The following SYNE2 variants were observed in gnomAD, a reference collection of about 807,000 sequenced individuals.
The protein encoded by SYNE2 is nesprin-2.
A neutral mutation model predicts 856.3 loss-of-function variants in SYNE2; 431 were observed. The observed-to-expected ratio is 0.50, with a 90% CI of 0.47 to 0.55. The LOEUF (loss-of-function observed/expected upper bound fraction) is 0.55. Ranked by LOEUF, SYNE2 falls within the 20% of genes least tolerant of loss-of-function variation. The pLI is 0.00. For missense variants in SYNE2, 8,129 were observed against 8,023.2 expected (o/e 1.01, Z -0.50); for synonymous variants, 2,923 against 2,872.3 (o/e 1.02, Z -0.56).
In SYNE2 at chr14:63,793,768, C is replaced by A. The variant is rs192184828; in HGVS notation, c.-305+31782C>A. 5.7e-3 allele frequency among the ~76,000 whole-genome samples: 856 copies of A among 151,364 alleles called. 9 individuals are homozygous for A. Among genetic ancestry groups the A allele is most frequent in the Non-Finnish European group, 7.6e-3 (519 of 67,852 alleles). On this transcript the variant is annotated intron_variant, in intron 1 of 23. Transcript: ENST00000674003. Reference sequence around the variant, plus strand: ...CCTGGGCAACAAAATGAGGCCCCCCCCCAACTAAAAAATTAAAAAATTAGG... The same window carrying A: ...CCTGGGCAACAAAATGAGGCCCCCCACCAACTAAAAAATTAAAAAATTAGG...
In SYNE2 at chr14:63,768,625, T is replaced by C. The variant is rs559758347; in HGVS notation, c.-305+6639T>C. Reference sequence around the variant, plus strand: ...AACATAAAATTGTTTTTCAAACTCTTAGCAGCCAGGACAAAGAAAGAAGCA... The same window carrying C: ...AACATAAAATTGTTTTTCAAACTCTCAGCAGCCAGGACAAAGAAAGAAGCA... On this transcript the variant is annotated intron_variant, in intron 1 of 23. Transcript: ENST00000674003. Among the ~76,000 whole-genome samples the C allele has an allele frequency of 1.2e-3, 179 of 152,288 alleles. 1 individual carries two copies. The highest frequency in any genetic ancestry group is 4.2e-3 in the African/African-American group (174 of 41,566).
At chr14:63,912,126 C>A (rs1197858658) in intron 2 of SYNE2, among the ~76,000 whole-genome samples, 1 of 152,142 alleles carries the variant, frequency 6.6e-6, no homozygotes, top group South Asian at 2.1e-4. Context: ...AGATACCAAC[C>A]AAGAAGTTCC....
At position 63,924,832 on chromosome 14, in the gene SYNE2, G is replaced by GTTTTTTTTTTTTTTT. The variant is rs1491139905; in HGVS notation, c.79+15606_79+15607insTTTTTTTTTTTTTTT. Among the ~76,000 whole-genome samples the GTTTTTTTTTTTTTTT allele has an allele frequency of 8.7e-3, 805 of 92,820 alleles. 267 individuals are homozygous for GTTTTTTTTTTTTTTT. Among genetic ancestry groups the GTTTTTTTTTTTTTTT allele is most frequent in the East Asian group, 0.017 (45 of 2,646 alleles). The allele number at this position is 92,820 out of a possible 152,430, so 60.9% of individuals were successfully genotyped here. ...TTTAACTTTTTTCCTTCCAGCCTTGGTGTTTTTTTTTTTTTTTTTTTTTTT... is the reference window on the plus strand; with the variant it reads ...TTTAACTTTTTTCCTTCCAGCCTTGGTTTTTTTTTTTTTTTTGTTTTTTTTTTTTTTTTTTTTTTT... On this transcript the variant is annotated intron_variant, in intron 2 of 115. Coordinates refer to ENST00000555002, the MANE Select transcript of SYNE2 (RefSeq NM_182914.3).
In SYNE2 at chr14:64,159,337, G is replaced by T; in HGVS notation, c.15989G>T (p.Ser5330Ile). 6.2e-7 allele frequency: 1 copy of T among 1,614,012 alleles called. No homozygotes were observed. The highest frequency in any genetic ancestry group is 1.1e-5 in the South Asian group (1 of 91,082). The change falls in exon 87 of 116, where the codon AGT becomes ATT. Residue 5330 changes from serine to isoleucine, a missense_variant. Transcript: ENST00000555002. The stretch of plus-strand genomic sequence containing the variant: ...TCTCTGCAAGATGAAGCTGAGAGCA[G>T]TGAAGGGAGTTGGGAGAAACTCCAG... ...LQSLQDEAES[S>I]EGSWEKLQEV...
chr14:63,901,311 G>C (rs1047916028), intron 1 of SYNE2, among the ~76,000 whole-genome samples: 1 of 152,120 alleles, frequency 6.6e-6, no homozygotes, highest in Non-Finnish European at 1.5e-5. Flanking sequence ...AGGTTCTATT[G>C]AATATGGAAT....
Position 64,208,502 on chromosome 14 carries a change from G to A in SYNE2, c.18202-256G>A, listed in dbSNP as rs549287909. Reference sequence around the variant, plus strand: ...CAGTGCGTAGAGGACACCCATCACCGTGGCACCCCTCACATGGTTCAGCGC... The same window carrying A: ...CAGTGCGTAGAGGACACCCATCACCATGGCACCCCTCACATGGTTCAGCGC... On this transcript the variant is annotated intron_variant, in intron 100 of 115. Coordinates refer to ENST00000555002, the MANE Select transcript of SYNE2 (RefSeq NM_182914.3). Among the ~76,000 whole-genome samples the A allele has an allele frequency of 3.9e-5, 6 of 152,286 alleles. No individual in the cohort carries two copies. The South Asian group carries it at 6.2e-4, about 16-fold the overall frequency.
At chr14:63,925,529 T>C (rs2095653525) in intron 2 of SYNE2, among the ~76,000 whole-genome samples, 1 of 152,194 alleles carries the variant, frequency 6.6e-6, no homozygotes, top group Non-Finnish European at 1.5e-5. Flanking sequence ...CTGTAAGTTA[T>C]TTTAAACTGA....
intron 45 of SYNE2, among the ~76,000 whole-genome samples, chr14:64,043,535 T>C (rs1270530508): frequency 1.3e-5 from 2 of 150,088 alleles, no homozygotes; most frequent in Non-Finnish European, 3.0e-5. Flanking sequence ...GGGCCCAGAG[T>C]CCTTTTGCTG....
At chr14:64,043,285 A>C (rs2097161949) in intron 45 of SYNE2, among the ~76,000 whole-genome samples, 1 of 152,220 alleles carries the variant, frequency 6.6e-6, no homozygotes, top group African/African-American at 2.4e-5. Flanking sequence ...CAGTTTTATA[A>C]AGGAAGCAGA....
chr14:63,772,605 C>A (rs909263490), intron 1 of SYNE2, among the ~76,000 whole-genome samples: 1 of 149,860 alleles, frequency 6.7e-6, no homozygotes, highest in Non-Finnish European at 1.5e-5. Flanking sequence ...TAGCTGAGTG[C>A]GGTGGTGTGC....
intron 30 of SYNE2, 57 bp downstream of exon 30, chr14:64,003,387 C>T (rs945836291): frequency 5.0e-6 from 8 of 1,605,794 alleles, no homozygotes; most frequent in South Asian, 3.3e-5. Flanking sequence ...TGTATTTTCA[C>T]TTCTGTTAGG....
chr14:63,921,166 G>A (rs1204374962), intron 2 of SYNE2, among the ~76,000 whole-genome samples: 1 of 151,552 alleles, frequency 6.6e-6, no homozygotes, highest in Non-Finnish European at 1.5e-5. Flanking sequence ...CAAATCAGTA[G>A]ATGATAGAAC....
chr14:63,853,538 C>G (rs956003949), intron 1 of SYNE2, among the ~76,000 whole-genome samples: 1 of 151,732 alleles, frequency 6.6e-6, no homozygotes, highest in Non-Finnish European at 1.5e-5. Flanking sequence ...GGCCCCGGCC[C>G]TCGGGGGCCG....
At chr14:64,128,299 G>T (rs1413804376) in intron 73 of SYNE2, among the ~76,000 whole-genome samples, 153 bp from the exon 74 acceptor site, 2 of 152,146 alleles carry the variant, frequency 1.3e-5, no homozygotes, top group African/African-American at 4.8e-5. Context: ...ATCAATAATT[G>T]TTGAAGTTTA....
intron 2 of SYNE2, among the ~76,000 whole-genome samples, chr14:63,928,677 A>C (rs1002537354): frequency 6.6e-6 from 1 of 151,882 alleles, no homozygotes; most frequent in Admixed American, 6.6e-5. Context: ...TTCTTTATTT[A>C]TTTCTGTTTG....
intron 45 of SYNE2, among the ~76,000 whole-genome samples, chr14:64,040,752 T>C (rs1210906777): frequency 6.6e-6 from 1 of 150,702 alleles, no homozygotes; most frequent in Admixed American, 6.6e-5. Context: ...ACTGCAATGA[T>C]TGAACACATT....
chr14:63,827,646 A>AAC (rs1889496553), intron 1 of SYNE2, among the ~76,000 whole-genome samples: 2 of 144,546 alleles, frequency 1.4e-5, no homozygotes, highest in East Asian at 2.0e-4. Context: ...AAAAAAAAAA[A>AAC]AAAAAAAAAA....
chr14:63,771,774 G>A (rs912373992), intron 1 of SYNE2, among the ~76,000 whole-genome samples: 1 of 152,096 alleles, frequency 6.6e-6, no homozygotes, highest in African/African-American at 2.4e-5. Flanking sequence ...GTGTGTGCCT[G>A]TAATTCCAGC....
intron 23 of SYNE2, 88 bp downstream of exon 23, chr14:63,995,290 C>T: frequency 8.4e-7 from 1 of 1,185,694 alleles, no homozygotes; most frequent in South Asian, 1.3e-5. Flanking sequence ...AGGATGAAAA[C>T]TGTTCTGAAA....
Sources: gnomAD v4.1 joint callset for allele counts (sites outside exome capture counted in the v4.1 genomes callset) on GRCh38, gnomAD v4.1.1 for gene constraint, MANE v1.5 for transcripts, NCBI Gene and HGNC (gene_info 2026-07-23, HGNC 2026-07-21) for gene names.